Variants in JAKMIP3 observed in about 807,000 individuals in gnomAD.
JAKMIP3 encodes janus kinase and microtubule-interacting protein 3.
JAKMIP3 carries 58 observed loss-of-function variants against 118.5 expected under a neutral mutation model. The observed-to-expected ratio is 0.49, with a 90% CI of 0.40 to 0.61. JAKMIP3 has a LOEUF of 0.61. JAKMIP3 is among the 20% of genes least tolerant of loss of function. JAKMIP3 has a pLI of 0.00. For synonymous variants in JAKMIP3, 486 were observed against 451.2 expected (o/e 1.08, Z -0.98); for missense variants, 950 against 1,109.0 (o/e 0.86, Z 2.04).
chr10:132,040,742 A>G (rs2037717766), intron 1 of JAKMIP3, among the ~76,000 whole-genome samples: 3 of 151,774 alleles, frequency 2.0e-5, no homozygotes, highest in African/African-American at 7.3e-5. Flanking sequence ...TTAAAGTGTC[A>G]ATGACCCTTG....
At chr10:132,127,771 T>C (rs548509082) in intron 3 of JAKMIP3, among the ~76,000 whole-genome samples, 21 of 152,328 alleles carry the variant, frequency 1.4e-4, no homozygotes, top group African/African-American at 5.1e-4. Flanking sequence ...ATTATCTCCT[T>C]TTTTGTCAAC....
At position 132,183,503 on chromosome 10, in the gene JAKMIP3, G is replaced by GTAA. The variant is rs3833728; in HGVS notation, c.*2260_*2262dup. The GTAA allele has an allele frequency of 6.6e-6, 1 of 151,934 alleles. No homozygotes were observed. The highest frequency in any genetic ancestry group is 6.6e-5 in the Admixed American group (1 of 15,260). The allele number at this position is 151,934 out of a possible 1,614,324, so 9.4% of individuals were successfully genotyped here. A position where few individuals can be genotyped will look rare whatever the true frequency, so the allele number is the denominator to read the frequency against. On this transcript the variant is annotated 3_prime_UTR_variant, in exon 24 of 24. Coordinates refer to ENST00000684848, the MANE Select transcript of JAKMIP3 (RefSeq NM_001323087.2). ...CACAGACACTCTTAATCACAGTTCTGTAATAATAATAAGGCAAACTATACG... is the reference window on the plus strand; with the variant it reads ...CACAGACACTCTTAATCACAGTTCTGTAATAATAATAATAAGGCAAACTATACG...
intron 1 of JAKMIP3, among the ~76,000 whole-genome samples, chr10:132,043,376 GT>G (rs2037817799): frequency 6.6e-6 from 1 of 151,742 alleles, no homozygotes; most frequent in South Asian, 2.1e-4. Flanking sequence ...GGCCCTTTCC[GT>G]TTGTGTGTGT....
Position 132,164,736 on chromosome 10 carries a change from G to T in JAKMIP3, c.2490+1G>T. On this transcript the variant is annotated splice_donor_variant, in intron 21 of 23. Coordinates refer to ENST00000684848, the MANE Select transcript of JAKMIP3 (RefSeq NM_001323087.2). LOFTEE classifies it high-confidence loss of function. ...ACAAATAAAGGAACTGGAGGAAAAG[G>T]TAAAACAAATGCAGTTTTGGGGGTT... The T allele has an allele frequency of 6.3e-7, 1 of 1,599,550 alleles. No individual in the cohort carries two copies. Among genetic ancestry groups the T allele is most frequent in the Non-Finnish European group, 8.6e-7 (1 of 1,166,946 alleles).
intron 1 of JAKMIP3, among the ~76,000 whole-genome samples, chr10:132,100,706 G>A (rs1231999175): frequency 2.6e-5 from 4 of 152,180 alleles, no homozygotes; most frequent in African/African-American, 9.7e-5. Context: ...GTGATCATCC[G>A]AGGTGCGGAG....
chr10:132,074,897 G>T (rs2040533673), intron 1 of JAKMIP3, among the ~76,000 whole-genome samples: 2 of 152,046 alleles, frequency 1.3e-5, no homozygotes, highest in South Asian at 4.1e-4. Flanking sequence ...CTGAATTATG[G>T]CTATCCATTT....
At chr10:132,088,974 C>T (rs1411528031) in intron 1 of JAKMIP3, among the ~76,000 whole-genome samples, 6 of 152,172 alleles carry the variant, frequency 3.9e-5, no homozygotes, top group African/African-American at 9.7e-5. Context: ...AATCCTTTCC[C>T]CACTGCTTGT....
rs552418189 is a variant in JAKMIP3, at chr10:132,117,584, C to T, written c.633+10C>T. 473 of 1,521,080 alleles carry T rather than the reference C, an allele frequency of 3.1e-4. 1 individual carries two copies. The highest frequency in any genetic ancestry group is 2.6e-3 in the Admixed American group (127 of 49,572). The allele number at this position is 1,521,080 out of a possible 1,614,324, so 94.2% of individuals were successfully genotyped here. A position where few individuals can be genotyped will look rare whatever the true frequency, so the allele number is the denominator to read the frequency against. On this transcript the variant is annotated intron_variant, in intron 3 of 23. Coordinates refer to ENST00000684848, the MANE Select transcript of JAKMIP3 (RefSeq NM_001323087.2). The surrounding 1 kb of genome is among the most constrained non-coding windows in gnomAD (Gnocchi z 8.6). ...GGAGATCCGCAGGCTGGTACGTGGG[C>T]AGGCAGGGGCGGGCGTGGGCGAGGG...
intron 1 of JAKMIP3, among the ~76,000 whole-genome samples, chr10:132,053,507 G>A (rs965362233): frequency 1.3e-5 from 2 of 152,210 alleles, no homozygotes; most frequent in Non-Finnish European, 2.9e-5. Context: ...ACACTGCTTT[G>A]GTTCTTCAGT....
chr10:132,061,273 A>G (rs1012255517), upstream of JAKMIP3, among the ~76,000 whole-genome samples: 7 of 152,008 alleles, frequency 4.6e-5, no homozygotes, highest in African/African-American at 7.2e-5. Flanking sequence ...GATGGCGCGC[A>G]CACACACCTG....
In JAKMIP3 at chr10:132,147,938, C is replaced by G. The variant is rs755401997; in HGVS notation, c.1750-14C>G. 6.3e-7 allele frequency: 1 copy of G among 1,580,192 alleles called. No homozygotes were observed. The highest frequency in any genetic ancestry group is 1.8e-5 in the Admixed American group (1 of 56,348). On this transcript the variant is annotated splice_polypyrimidine_tract_variant and intron_variant, in intron 13 of 23. Transcript: ENST00000684848. ...GAACCAGACCCCTCACCTCATGCAT[C>G]TTTTATGTTGCAGATCAAACAAATG... is the stretch of plus-strand genomic sequence containing the variant.
At chr10:132,114,698 C>T (rs2047361501) in intron 2 of JAKMIP3, among the ~76,000 whole-genome samples, 1 of 152,164 alleles carries the variant, frequency 6.6e-6, no homozygotes, top group South Asian at 2.1e-4. Flanking sequence ...GGAAAATAAA[C>T]ATGTTTATAA....
At chr10:132,136,165 C>G in intron 6 of JAKMIP3, 89 bp downstream of exon 6, 1 of 1,423,362 alleles carries the variant, frequency 7.0e-7, no homozygotes, top group Non-Finnish European at 9.6e-7. Context: ...TTTAGCATGA[C>G]AGCCGGTCCC....
chr10:132,164,990 C>G (rs1258084797), intron 21 of JAKMIP3, among the ~76,000 whole-genome samples: 1 of 152,244 alleles, frequency 6.6e-6, no homozygotes, highest in Non-Finnish European at 1.5e-5. Flanking sequence ...TGCCAGGGCC[C>G]AGCCATGCGA....
chr10:132,181,039 G>A (rs1329283615), intron 23 of JAKMIP3, among the ~76,000 whole-genome samples: 1 of 152,154 alleles, frequency 6.6e-6, no homozygotes, highest in Non-Finnish European at 1.5e-5. Context: ...TTGCACATGT[G>A]CAGGTATGTG....
rs1317560757 is a variant in JAKMIP3, at chr10:132,118,567, A to C, written c.633+993A>C. Reference sequence around the variant, plus strand: ...GGGATGGCCTCCAGGCTGGGCCAGCATGTGGAACTCCCAGAGAGGGGCAGC... The same window carrying C: ...GGGATGGCCTCCAGGCTGGGCCAGCCTGTGGAACTCCCAGAGAGGGGCAGC... On this transcript the variant is annotated intron_variant, in intron 3 of 23. Transcript: ENST00000684848. This position sits in a 1 kb window ranked among gnomAD's most constrained non-coding sequence, Gnocchi z 4.8. 6.6e-6 allele frequency among the ~76,000 whole-genome samples: 1 copy of C among 152,194 alleles called. No individual in the cohort carries two copies. The highest frequency in any genetic ancestry group is 1.5e-5 in the Non-Finnish European group (1 of 68,018).
At chr10:132,175,953 G>C (rs1337100459) in intron 23 of JAKMIP3, among the ~76,000 whole-genome samples, 1 of 152,268 alleles carries the variant, frequency 6.6e-6, no homozygotes, top group Non-Finnish European at 1.5e-5. Flanking sequence ...ACCCAAGTGT[G>C]AACAATTAGT....
chr10:132,117,469 C>A lies in JAKMIP3; in HGVS notation c.528C>A (p.Ile176=). Residue 176 remains isoleucine, a synonymous_variant, in exon 3 of 24, where the codon ATC becomes ATA. Transcript: ENST00000684848. The surrounding 1 kb of genome is among the most constrained non-coding windows in gnomAD (Gnocchi z 8.6). ...TGGAGGAGGCGCTGACGCTGGTGATCCAAGCGGACAAGATCAAGGCCGCAG... is the reference window on the plus strand; with the variant it reads ...TGGAGGAGGCGCTGACGCTGGTGATACAAGCGGACAAGATCAAGGCCGCAG... ...RQVEEALTLV[I]QADKIKAAEI... The A allele has an allele frequency of 6.2e-7, 1 of 1,613,844 alleles. No individual in the cohort carries two copies. The highest frequency in any genetic ancestry group is 8.5e-7 in the Non-Finnish European group (1 of 1,179,870).
Position 132,164,753 on chromosome 10 carries a change from T to C in JAKMIP3, c.2490+18T>C, listed in dbSNP as rs1280806673. On this transcript the variant is annotated intron_variant, in intron 21 of 23. Coordinates refer to ENST00000684848, the MANE Select transcript of JAKMIP3 (RefSeq NM_001323087.2). ...AGGAAAAGGTAAAACAAATGCAGTT[T>C]TGGGGGTTGCTTGTTAAGATCAAGG... 6.4e-7 allele frequency: 1 copy of C among 1,574,360 alleles called. No homozygotes were observed. The highest frequency in any genetic ancestry group is 2.2e-5 in the East Asian group (1 of 44,702).
Sources: gnomAD v4.1 joint callset for allele counts (sites outside exome capture counted in the v4.1 genomes callset) on GRCh38, gnomAD v4.1.1 for gene constraint, Gnocchi (gnomAD v3.1) non-coding constraint, MANE v1.5 for transcripts, NCBI Gene and HGNC (gene_info 2026-07-23, HGNC 2026-07-21) for gene names.